BCL2L14: variants seen among roughly 807,000 people sequenced by gnomAD.
BCL2L14 encodes the protein apoptosis facilitator Bcl-2-like protein 14.
In BCL2L14, 27 loss-of-function variants were observed where a neutral mutation model predicts 35.3. The observed-to-expected ratio is 0.76, with a 90% CI of 0.56 to 1.05. The LOEUF (loss-of-function observed/expected upper bound fraction) is 1.05, where lower values mean the gene tolerates loss of function less well. BCL2L14 is among the 50% of genes least tolerant of loss of function. The pLI is 0.00. For synonymous variants in BCL2L14, 139 were observed against 145.9 expected, an observed-to-expected ratio of 0.95 and a Z score of 0.34; for missense variants, 377 against 382.6, an observed-to-expected ratio of 0.99 and a Z score of 0.12.
At chr12:12,062,336 C>T (rs1423356334) in intron 2 of BCL2L14, among the ~76,000 whole-genome samples, 1 of 145,662 alleles carries the variant, frequency 6.9e-6, no homozygotes. Context: ...TCCTTCTTTC[C>T]TGTTCCTCAC....
intron 1 of BCL2L14, among the ~76,000 whole-genome samples, chr12:12,072,992 T>C (rs1948699697): frequency 6.6e-6 from 1 of 151,980 alleles, no homozygotes; most frequent in Non-Finnish European, 1.5e-5. Flanking sequence ...GCTCAAGCGA[T>C]TCTCCCCCCT....
Position 12,099,013 on chromosome 12 carries a change from ACT to A in BCL2L14, c.*28_*29del. 1 of 1,568,988 alleles carries A rather than the reference ACT, an allele frequency of 6.4e-7. No homozygotes were observed. The highest frequency in any genetic ancestry group is 1.1e-5 in the South Asian group (1 of 90,058). ...AAATATCAGATTTGTCATCAGGAATACTCTTTGTCTACTGTGGTCCTGTGCAC... is the reference window on the plus strand; with the variant it reads ...AAATATCAGATTTGTCATCAGGAATACTTTGTCTACTGTGGTCCTGTGCAC... On this transcript the variant is annotated 3_prime_UTR_variant, in exon 6 of 6. Transcript: ENST00000308721.
At position 12,099,221 on chromosome 12, in the gene BCL2L14, C is replaced by A; in HGVS notation, c.*233C>A. 1 of 521,942 alleles carries A rather than the reference C, an allele frequency of 1.9e-6. No homozygotes were observed. Among genetic ancestry groups the A allele is most frequent in the Non-Finnish European group, 3.4e-6 (1 of 290,630 alleles). 32.3% of individuals were successfully genotyped at this position (521,942 alleles called of 1,614,324 possible). A position where few individuals can be genotyped will look rare whatever the true frequency, so the allele number is the denominator to read the frequency against. ...GTTTTTCAGGCCCTCCATTGAGAACCTGAGGAAATCTGTAAAGATAAGTGG... is the reference window on the plus strand; with the variant it reads ...GTTTTTCAGGCCCTCCATTGAGAACATGAGGAAATCTGTAAAGATAAGTGG... On this transcript the variant is annotated 3_prime_UTR_variant, in exon 6 of 6. Coordinates refer to ENST00000308721, the MANE Select transcript of BCL2L14 (RefSeq NM_138723.2).
chr12:12,053,199 T>G (rs1948383335), intron 2 of BCL2L14, among the ~76,000 whole-genome samples: 1 of 152,174 alleles, frequency 6.6e-6, no homozygotes, highest in Non-Finnish European at 1.5e-5. Flanking sequence ...AGATAGAATT[T>G]TTATTATTCT....
intron 1 of BCL2L14, 140 bp from the exon 2 acceptor site, chr12:12,079,159 G>A (rs548677736): frequency 1.3e-4 from 91 of 707,394 alleles, no homozygotes; most frequent in Admixed American, 2.8e-4. Context: ...TAAGACTGTG[G>A]CTTTTCCCTC....
At chr12:12,082,457 T>C (rs1591825238) in intron 2 of BCL2L14, among the ~76,000 whole-genome samples, 1 of 152,378 alleles carries the variant, frequency 6.6e-6, no homozygotes, top group Non-Finnish European at 1.5e-5. Flanking sequence ...CTGTGGACTT[T>C]GCCAGCAGAC....
intron 1 of BCL2L14, chr12:12,077,950 GC>G (rs1460943264): frequency 2.3e-6 from 1 of 439,216 alleles, no homozygotes; most frequent in African/African-American, 2.0e-5. Context: ...TGCTTTCCTA[GC>G]AGGAAACCAG....
chr12:12,081,757 C>A (rs1363945901), intron 2 of BCL2L14, among the ~76,000 whole-genome samples: 1 of 152,024 alleles, frequency 6.6e-6, no homozygotes, highest in South Asian at 2.1e-4. Context: ...CAGCGTTTCA[C>A]CATGTTGGTC....
At chr12:12,061,514 A>C (rs1948525777) in intron 2 of BCL2L14, among the ~76,000 whole-genome samples, 1 of 150,656 alleles carries the variant, frequency 6.6e-6, no homozygotes, top group South Asian at 2.1e-4. Flanking sequence ...CTTACAAGTT[A>C]GTTCAGGATC....
chr12:12,070,055 G>C, upstream of BCL2L14, among the ~76,000 whole-genome samples: 2 of 152,184 alleles, frequency 1.3e-5, no homozygotes, highest in East Asian at 3.8e-4. Flanking sequence ...TAAGACTCTG[G>C]AAAGAGCATA....
At chr12:12,062,733 C>T (rs991829340) in intron 2 of BCL2L14, among the ~76,000 whole-genome samples, 3 of 152,120 alleles carry the variant, frequency 2.0e-5, no homozygotes, top group African/African-American at 7.2e-5. Context: ...CATTTCTTCC[C>T]TTCAGTCAGA....
At chr12:12,072,297 T>C (rs576083838) in intron 1 of BCL2L14, 15 of 152,286 alleles carry the variant, frequency 9.8e-5, no homozygotes, top group African/African-American at 3.6e-4. Context: ...CGTGCGACAG[T>C]GCGTCTGCCA....
chr12:12,079,643 C>T lies in BCL2L14; in HGVS notation c.338C>T (p.Ser113Phe). Residue 113 changes from serine (S) to phenylalanine (F), a missense_variant, in exon 2 of 6, where the codon TCT (serine) becomes TTT (phenylalanine). By Grantham distance (155) the Ser-to-Phe change is radical. Coordinates refer to ENST00000308721, the MANE Select transcript of BCL2L14 (RefSeq NM_138723.2). ...EDSQSTPAKV[S>F]AQGQRTLEYQ... ...TCGCAGAGCACGCCTGCCAAGGTCT[C>T]TGCTCAGGGTCAAAGGACGTTGGAA... The T allele has an allele frequency of 6.2e-7, 1 of 1,614,208 alleles. No homozygotes were observed. The highest frequency in any genetic ancestry group is 8.5e-7 in the Non-Finnish European group (1 of 1,180,050).
intron 1 of BCL2L14, among the ~76,000 whole-genome samples, chr12:12,076,752 G>A (rs927088824): frequency 6.6e-6 from 1 of 152,046 alleles, no homozygotes; most frequent in East Asian, 1.9e-4. Context: ...CAACAGCTTC[G>A]CTATCAGCCA....
intron 4 of BCL2L14, among the ~76,000 whole-genome samples, chr12:12,092,944 A>C (rs1949225113): frequency 6.6e-6 from 1 of 152,208 alleles, no homozygotes. Context: ...TTTTCAAATA[A>C]ATATTTTGTC....
intron 4 of BCL2L14, 23 bp from the exon 5 acceptor site, chr12:12,094,641 A>G (rs373995100): frequency 1.2e-6 from 2 of 1,614,132 alleles, no homozygotes; most frequent in Non-Finnish European, 1.7e-6. Context: ...TACTGTACTG[A>G]GTGCTTATTC....
chr12:12,085,278 A>T (rs1949018266), intron 2 of BCL2L14, among the ~76,000 whole-genome samples: 1 of 152,008 alleles, frequency 6.6e-6, no homozygotes, highest in East Asian at 1.9e-4. Context: ...CCGCATGCTG[A>T]TTACCCTAGA....
intron 2 of BCL2L14, among the ~76,000 whole-genome samples, chr12:12,058,851 C>T (rs1027262575): frequency 6.6e-6 from 1 of 152,240 alleles, no homozygotes; most frequent in African/African-American, 2.4e-5. Flanking sequence ...CCACTCTTTG[C>T]TCCGTGAGAA....
At chr12:12,057,464 A>C (rs1023291293) in intron 2 of BCL2L14, among the ~76,000 whole-genome samples, 2 of 152,176 alleles carry the variant, frequency 1.3e-5, no homozygotes, top group African/African-American at 4.8e-5. Context: ...ACTCCAGAAA[A>C]GAGGTGAAGA....
Sources: allele counts gnomAD v4.1 joint callset (sites outside exome capture counted in the v4.1 genomes callset), GRCh38; gene constraint gnomAD v4.1.1; transcripts MANE v1.5; gene names NCBI Gene and HGNC (gene_info 2026-07-23, HGNC 2026-07-21).